MARCHF1: variants seen among roughly 807,000 people sequenced by gnomAD.
MARCHF1 encodes the protein E3 ubiquitin-protein ligase MARCHF1.
In MARCHF1, 40 loss-of-function variants were observed where a neutral mutation model predicts 54.2. The observed-to-expected ratio is 0.74, with a 90% confidence interval of 0.57 to 0.96. The LOEUF is 0.96. MARCHF1 is among the 40% of genes least tolerant of loss of function. MARCHF1 has a pLI of 0.00. For missense variants in MARCHF1, 586 were observed against 656.5 expected, an observed-to-expected ratio of 0.89 and a Z score of 1.17; for synonymous variants, 236 against 236.3, an observed-to-expected ratio of 1.00 and a Z score of 0.01.
chr4:164,017,576 A>C (rs947106846), intron 2 of MARCHF1, among the ~76,000 whole-genome samples: 2 of 151,998 alleles, frequency 1.3e-5, no homozygotes, highest in African/African-American at 2.4e-5. Flanking sequence ...ATAGCATCTA[A>C]ACCAAGAATA....
chr4:163,545,819 A>G, intron 8 of MARCHF1, 76 bp from the exon 9 acceptor site: 1 of 1,257,220 alleles, frequency 8.0e-7, no homozygotes, highest in Middle Eastern at 1.9e-4. Flanking sequence ...TCCCAGACAC[A>G]GATCATGAAT....
chr4:163,864,086 T>C (rs745721305), intron 3 of MARCHF1, among the ~76,000 whole-genome samples: 1 of 152,014 alleles, frequency 6.6e-6, no homozygotes, highest in Non-Finnish European at 1.5e-5. Flanking sequence ...CTGTCATTTC[T>C]CTGCTCAAAA....
intron 1 of MARCHF1, among the ~76,000 whole-genome samples, chr4:164,300,683 T>C (rs1205421408): frequency 6.6e-6 from 1 of 152,090 alleles, no homozygotes; most frequent in African/African-American, 2.4e-5. Flanking sequence ...TGGGCCTACA[T>C]GTGTGTGCCA....
chr4:163,612,644 C>T lies in MARCHF1; in HGVS notation c.637G>A (p.Gly213Arg), dbSNP rs1367783850. 6.5e-7 allele frequency: 1 copy of T among 1,535,542 alleles called. No individual in the cohort carries two copies. Among genetic ancestry groups the T allele is most frequent in the African/African-American group, 1.4e-5 (1 of 73,096 alleles). ...TPNGIELVDLGSKGKEQQELI... is the reference protein window; with the variant it reads ...TPNGIELVDLRSKGKEQQELI... The stretch of plus-strand genomic sequence containing the variant: ...TCTTGTTGCTCTTTACCTTTGGATC[C>T]CAGATCAACGAGCTCAATTCCGTTA... Residue 213 changes from glycine (G) to arginine (R), a missense_variant, in exon 7 of 10, where the codon GGA becomes AGA. This residue lies in a region of MARCHF1 where 387 missense variants were observed against 394.6 expected (regional missense o/e 0.98). Transcript: ENST00000514618.
chr4:163,635,951 G>A (rs1481424406), intron 5 of MARCHF1, among the ~76,000 whole-genome samples: 6 of 151,986 alleles, frequency 3.9e-5, no homozygotes, highest in South Asian at 2.1e-4. Flanking sequence ...TATGCAAATC[G>A]ATAAATGTAA....
At chr4:163,877,299 T>A (rs1021958254) in intron 3 of MARCHF1, among the ~76,000 whole-genome samples, 9 of 152,194 alleles carry the variant, frequency 5.9e-5, no homozygotes, top group African/African-American at 2.2e-4. Context: ...TATCTTTTTC[T>A]TTGTACATGT....
intron 1 of MARCHF1, among the ~76,000 whole-genome samples, chr4:164,138,240 T>C (rs1297697522): frequency 6.6e-6 from 1 of 152,082 alleles, no homozygotes; most frequent in African/African-American, 2.4e-5. Context: ...TCTTTTGCAA[T>C]TGTAACGTTA....
In MARCHF1 at chr4:164,147,614, C is replaced by A. The variant is rs187041519; in HGVS notation, c.-322-35952G>T. 5.3e-3 allele frequency among the ~76,000 whole-genome samples: 740 copies of A among 140,730 alleles called. 9 individuals carry two copies. Among genetic ancestry groups the A allele is most frequent in the African/African-American group, 0.019 (718 of 37,088 alleles). The allele number at this position is 140,730 out of a possible 152,430, so 92.3% of individuals were successfully genotyped here. On this transcript the variant is annotated intron_variant, in intron 1 of 9. Transcript: ENST00000514618. ...GCATATTCTCACTCATAGGTGGGAACTGAACAATGAGAACACATGGACACA... is the reference window on the plus strand; with the variant it reads ...GCATATTCTCACTCATAGGTGGGAAATGAACAATGAGAACACATGGACACA...
chr4:164,065,493 G>C (rs947079734), intron 2 of MARCHF1, among the ~76,000 whole-genome samples: 1 of 152,156 alleles, frequency 6.6e-6, no homozygotes, highest in African/African-American at 2.4e-5. Flanking sequence ...TATCAACAGA[G>C]TACACAGATG....
intron 7 of MARCHF1, among the ~76,000 whole-genome samples, chr4:163,609,647 A>G (rs1470089660): frequency 2.0e-5 from 3 of 150,866 alleles, no homozygotes; most frequent in African/African-American, 7.3e-5. Context: ...ACGTATATAT[A>G]TAATACACGT....
At chr4:164,119,761 T>TA in intron 1 of MARCHF1, among the ~76,000 whole-genome samples, 1 of 151,678 alleles carries the variant, frequency 6.6e-6, no homozygotes, top group Non-Finnish European at 1.5e-5. Flanking sequence ...GCAGGTAATT[T>TA]TATAGAAAAA....
chr4:164,234,765 A>T (rs926146344), intron 1 of MARCHF1: 8 of 152,136 alleles, frequency 5.3e-5, no homozygotes, highest in Non-Finnish European at 1.0e-4. Flanking sequence ...GGCAGATATA[A>T]AACTTTTAAA....
intron 2 of MARCHF1, among the ~76,000 whole-genome samples, chr4:164,075,081 T>C (rs1304994586): frequency 2.0e-5 from 3 of 152,104 alleles, no homozygotes; most frequent in Non-Finnish European, 4.4e-5. Context: ...CTTTAAAACA[T>C]GAAATCAAGA....
intron 2 of MARCHF1, among the ~76,000 whole-genome samples, chr4:164,012,055 C>G (rs560214426): frequency 6.6e-6 from 1 of 152,256 alleles, no homozygotes; most frequent in Admixed American, 6.5e-5. Flanking sequence ...TTTCTTACAC[C>G]AGCAGGAAAA....
At chr4:163,690,372 G>A (rs1744409741) in intron 5 of MARCHF1, among the ~76,000 whole-genome samples, 1 of 152,170 alleles carries the variant, frequency 6.6e-6, no homozygotes, top group African/African-American at 2.4e-5. Context: ...AGTGCTGGAG[G>A]AGATAAAATG....
chr4:164,260,985 A>T (rs1456048435), intron 1 of MARCHF1, among the ~76,000 whole-genome samples: 1 of 152,198 alleles, frequency 6.6e-6, no homozygotes, highest in Non-Finnish European at 1.5e-5. Context: ...TGCAATCTTC[A>T]TGTTATGGGG....
chr4:164,176,241 C>T (rs1005442171), intron 1 of MARCHF1, among the ~76,000 whole-genome samples: 22 of 152,056 alleles, frequency 1.4e-4, no homozygotes, highest in African/African-American at 5.1e-4. Context: ...TGCCAAGGGT[C>T]GCATGCAACA....
chr4:164,192,052 A>G (rs1390907272), intron 1 of MARCHF1, among the ~76,000 whole-genome samples: 4 of 152,134 alleles, frequency 2.6e-5, no homozygotes, highest in African/African-American at 9.7e-5. Flanking sequence ...AATCTCAAGA[A>G]CGATTGTACC....
At chr4:163,748,438 G>A (rs974350511) in intron 4 of MARCHF1, among the ~76,000 whole-genome samples, 1 of 149,858 alleles carries the variant, frequency 6.7e-6, no homozygotes, top group African/African-American at 2.5e-5. Context: ...CCACAAGCTC[G>A]CTGGCATAAT....
Sources: gnomAD v4.1 joint callset for allele counts (sites outside exome capture counted in the v4.1 genomes callset) on GRCh38, gnomAD v4.1.1 for gene constraint, gnomAD v4.1.1 regional missense constraint, MANE v1.5 for transcripts, NCBI Gene and HGNC (gene_info 2026-07-23, HGNC 2026-07-21) for gene names.